SLC16A8: variants seen among roughly 807,000 people sequenced by gnomAD.
SLC16A8 encodes the protein solute carrier family 16 member 8.
In SLC16A8, 20 loss-of-function variants were observed where a neutral mutation model predicts 22.4. That is an observed-to-expected ratio of 0.89 (90% CI 0.63 to 1.30). The LOEUF (loss-of-function observed/expected upper bound fraction) is 1.30, where lower values mean the gene tolerates loss of function less well. SLC16A8 is among the 50% of genes most tolerant of loss of function. The probability of loss-of-function intolerance (pLI) is 0.00; values close to 1 mark genes in which losing one functional copy is unlikely to be tolerated. For missense variants in SLC16A8, 817 were observed against 740.3 expected (o/e 1.10, Z -1.20); for synonymous variants, 393 against 358.8 (o/e 1.10, Z -1.08).
Position 38,081,345 on chromosome 22 carries a change from C to T in SLC16A8, c.693G>A (p.Glu231=), listed in dbSNP as rs745797557. Residue 231 remains glutamate (E), a synonymous_variant, in exon 5 of 6, where the codon GAG becomes GAA. Transcript: ENST00000681075. The part of the protein sequence containing the change: ...EADGAGLQLR[E]ASPRVRPRRR... Reference sequence around the variant, plus strand: ...GGCGGGGCCGGACCCTGGGGGATGCCTCGCGCAGCTGCAGCCCCGCACCGT... The same window carrying T: ...GGCGGGGCCGGACCCTGGGGGATGCTTCGCGCAGCTGCAGCCCCGCACCGT... The T allele has an allele frequency of 8.2e-6, 12 of 1,462,834 alleles. No homozygotes were observed. The highest frequency in any genetic ancestry group is 1.1e-5 in the Non-Finnish European group (12 of 1,109,414). 90.6% of individuals were successfully genotyped at this position (1,462,834 alleles called of 1,614,324 possible).
At chr22:38,082,437 G>A (rs1489044656) in intron 3 of SLC16A8, among the ~76,000 whole-genome samples, 2 of 152,218 alleles carry the variant, frequency 1.3e-5, no homozygotes, top group Non-Finnish European at 2.9e-5. Flanking sequence ...TCTTAGAAGG[G>A]GCCCTCTGAG....
In SLC16A8 at chr22:38,081,683, C is replaced by A; in HGVS notation, c.359-4G>T. ...AAGTTGAGGGCCAGGCCCAGGCCTG[C>A]GGGCGAGGCGGTGCTGTGCCGGGGT... On this transcript the variant is annotated splice_region_variant and splice_polypyrimidine_tract_variant and intron_variant, in intron 4 of 5. Coordinates refer to ENST00000681075, the MANE Select transcript of SLC16A8 (RefSeq NM_013356.3). 2 of 1,505,666 alleles carry A rather than the reference C, an allele frequency of 1.3e-6. No homozygotes were observed. Among genetic ancestry groups the A allele is most frequent in the Non-Finnish European group, 8.8e-7 (1 of 1,132,522 alleles). 93.3% of individuals were successfully genotyped at this position (1,505,666 alleles called of 1,614,324 possible).
rs76719795 is a variant in SLC16A8 at position 38,080,204 on chromosome 22, C to A, written c.1198+636G>T. 4.4e-3 allele frequency among the ~76,000 whole-genome samples: 675 copies of A among 152,268 alleles called. 8 individuals are homozygous for A. Among genetic ancestry groups the A allele is most frequent in the African/African-American group, 0.016 (653 of 41,532 alleles). On this transcript the variant is annotated intron_variant, in intron 5 of 5. Coordinates refer to ENST00000681075, the MANE Select transcript of SLC16A8 (RefSeq NM_013356.3). ...GCTTGCATAAGGACGCTGTTCCCCCCCAACAAGCCCTGCCCATCCATGCTG... is the reference window on the plus strand; with the variant it reads ...GCTTGCATAAGGACGCTGTTCCCCCACAACAAGCCCTGCCCATCCATGCTG...
chr22:38,080,911 C>G lies in SLC16A8; in HGVS notation c.1127G>C (p.Arg376Pro). The G allele has an allele frequency of 6.4e-7, 1 of 1,568,646 alleles. No homozygotes were observed. Among genetic ancestry groups the G allele is most frequent in the Non-Finnish European group, 8.6e-7 (1 of 1,163,656 alleles). ...CACCAGGCCCAGCGCACTGGGGAAG[C>G]GGGGCGCGCCCACAGCCGCCATGAG... ...EVLMAAVGAPRFPSALGLVLL... is the reference protein window; with the variant it reads ...EVLMAAVGAPPFPSALGLVLL... Residue 376 changes from arginine to proline, a missense_variant, in exon 5 of 6, where the codon CGC (arginine) becomes CCC (proline). Coordinates refer to ENST00000681075, the MANE Select transcript of SLC16A8 (RefSeq NM_013356.3).
Position 38,081,357 on chromosome 22 carries a change from C to T in SLC16A8, c.681G>A (p.Leu227=), listed in dbSNP as rs1452254017. 1 of 1,433,092 alleles carries T rather than the reference C, an allele frequency of 7.0e-7. No individual in the cohort carries two copies. The highest frequency in any genetic ancestry group is 9.1e-7 in the Non-Finnish European group (1 of 1,095,858). 88.8% of individuals were successfully genotyped at this position (1,433,092 alleles called of 1,614,324 possible). A position where few individuals can be genotyped will look rare whatever the true frequency, so the allele number is the denominator to read the frequency against. Residue 227 remains leucine (L), a synonymous_variant, in exon 5 of 6, where the codon CTG becomes CTA. Coordinates refer to ENST00000681075, the MANE Select transcript of SLC16A8 (RefSeq NM_013356.3). ...PGEAEADGAG[L]QLREASPRVR... ...CCCTGGGGGATGCCTCGCGCAGCTG[C>T]AGCCCCGCACCGTCAGCCTCCGCCT...
intron 3 of SLC16A8, 69 bp downstream of exon 3, chr22:38,082,591 G>T: frequency 1.5e-6 from 2 of 1,336,334 alleles, no homozygotes; most frequent in Non-Finnish European, 2.0e-6. Flanking sequence ...ATGCTCAGGG[G>T]CTCGGGTGTC....
At chr22:38,080,755 G>C in intron 5 of SLC16A8, 85 bp downstream of exon 5, 1 of 1,423,804 alleles carries the variant, frequency 7.0e-7, no homozygotes, top group Non-Finnish European at 9.2e-7. Flanking sequence ...CTCATCCCTG[G>C]AAGTTCCATC....
rs1413609179 is a variant in SLC16A8, at chr22:38,078,504, G to A, written c.1399C>T (p.Pro467Ser). Residue 467 changes from proline to serine, a missense_variant, in exon 6 of 6, where the codon CCT (proline) becomes TCT (serine). Coordinates refer to ENST00000681075, the MANE Select transcript of SLC16A8 (RefSeq NM_013356.3). ...AEAEGDSEPL[P>S]VVAEEPGNLE... ...TTGCCGGGTTCCTCTGCAACAACAG[G>A]CAGGGGCTCAGAGTCCCCTTCAGCC... 3.1e-6 allele frequency: 5 copies of A among 1,614,052 alleles called. No individual in the cohort carries two copies. Among genetic ancestry groups the A allele is most frequent in the Non-Finnish European group, 4.2e-6 (5 of 1,180,058 alleles).
At position 38,082,660 on chromosome 22, in the gene SLC16A8, C is replaced by T; in HGVS notation, c.214G>A (p.Gly72Ser). ...CGGAGGGCCGGGCGGGGACACTGAC[C>T]CGTGCCGTAGAGCATGGCTAGCATG... ...SIMLAMLYGT[G>S]PVSSILVTRF... The change falls in exon 3 of 6, where the codon GGC becomes AGC. Residue 72 changes from glycine (G) to serine (S), a missense_variant and splice_region_variant. Physicochemically the swap from Gly to Ser is moderately conservative, Grantham distance 56. Coordinates refer to ENST00000681075, the MANE Select transcript of SLC16A8 (RefSeq NM_013356.3). The T allele has an allele frequency of 6.4e-7, 1 of 1,567,344 alleles. No individual in the cohort carries two copies. Among genetic ancestry groups the T allele is most frequent in the Non-Finnish European group, 8.6e-7 (1 of 1,157,814 alleles).
chr22:38,082,840 G>A lies in SLC16A8; in HGVS notation c.34C>T (p.Pro12Ser), dbSNP rs755508076. The stretch of plus-strand genomic sequence containing the variant: ...ACCCAGCCCCAGCCGCCGTCTGGGG[G>A]GCCCTCGCCCCGCCGGGGGCCGCCA... ...GAGGPRRGEG[P>S]PDGGWGWVVL... Residue 12 changes from proline (P) to serine (S), a missense_variant, in exon 3 of 6, where the codon CCC becomes TCC. Physicochemically the swap from Pro to Ser is moderately conservative, Grantham distance 74 (BLOSUM62 -1). Coordinates refer to ENST00000681075, the MANE Select transcript of SLC16A8 (RefSeq NM_013356.3). The A allele has an allele frequency of 6.3e-5, 99 of 1,567,676 alleles. No homozygotes were observed. The highest frequency in any genetic ancestry group is 7.9e-5 in the Non-Finnish European group (92 of 1,161,634).
chr22:38,081,827 A>T, intron 4 of SLC16A8, 62 bp downstream of exon 4: 1 of 1,531,310 alleles, frequency 6.5e-7, no homozygotes, highest in Non-Finnish European at 8.8e-7. Flanking sequence ...AACCGAGGAC[A>T]GATCTTGCAG....
Position 38,081,444 on chromosome 22 carries a change from G to T in SLC16A8, c.594C>A (p.Pro198=). 1 of 1,286,200 alleles carries T rather than the reference G, an allele frequency of 7.8e-7. No individual in the cohort carries two copies. The highest frequency in any genetic ancestry group is 2.6e-5 in the South Asian group (1 of 37,932). The allele number at this position is 1,286,200 out of a possible 1,614,324, so 79.7% of individuals were successfully genotyped here. The change falls in exon 5 of 6, where the codon CCC becomes CCA. Residue 198 remains proline (P), a synonymous_variant. Transcript: ENST00000681075. ...CCCTGCGCGGTCGCGGGCCCGGCCC[G>T]GGCGGCGGCCTCATGACAGCCCCGC... ...CACGAVMRPP[P]GPGPRPRRDS...
In SLC16A8 at chr22:38,080,987, C is replaced by T; in HGVS notation, c.1051G>A (p.Val351Ile). 6.3e-7 allele frequency: 1 copy of T among 1,597,514 alleles called. No homozygotes were observed. The highest frequency in any genetic ancestry group is 1.1e-5 in the South Asian group (1 of 89,928). Reference protein sequence around the residue: ...RSYGALVAFCVAFGLSYGMVG... With the variant: ...RSYGALVAFCIAFGLSYGMVG... ...ATGCCGTAGGAGAGGCCGAAGGCGA[C>T]GCAGAAGGCGACGAGGGCGCCGTAG... Residue 351 changes from valine (V) to isoleucine (I), a missense_variant, in exon 5 of 6, where the codon GTC (valine) becomes ATC (isoleucine). By Grantham distance (29) the Val-to-Ile change is conservative (BLOSUM62 3). Transcript: ENST00000681075.
chr22:38,080,690 G>A, intron 5 of SLC16A8, 150 bp downstream of exon 5: 1 of 1,134,270 alleles, frequency 8.8e-7, no homozygotes, highest in Non-Finnish European at 1.2e-6. Flanking sequence ...GTCCGGCTTG[G>A]AGGAGGGACT....
chr22:38,081,407 C>A lies in SLC16A8; in HGVS notation c.631G>T (p.Asp211Tyr). 1 of 1,355,156 alleles carries A rather than the reference C, an allele frequency of 7.4e-7. No homozygotes were observed. Among genetic ancestry groups the A allele is most frequent in the Non-Finnish European group, 9.4e-7 (1 of 1,059,536 alleles). The allele number at this position is 1,355,156 out of a possible 1,614,324, so 83.9% of individuals were successfully genotyped here. A position where few individuals can be genotyped will look rare whatever the true frequency, so the allele number is the denominator to read the frequency against. ...TCGCCCGGAGCGTCCCCGGCGCGGT[C>A]GCCGGCGCTGTCCCTGCGCGGTCGC... is the stretch of plus-strand genomic sequence containing the variant. ...GPRPRRDSAG[D>Y]RAGDAPGEAE... Residue 211 changes from aspartate to tyrosine, a missense_variant, in exon 5 of 6, where the codon GAC (aspartate) becomes TAC (tyrosine). Transcript: ENST00000681075.
At position 38,081,403 on chromosome 22, in the gene SLC16A8, C is replaced by G; in HGVS notation, c.635G>C (p.Arg212Pro). ...CGCCTCGCCCGGAGCGTCCCCGGCGCGGTCGCCGGCGCTGTCCCTGCGCGG... is the reference window on the plus strand; with the variant it reads ...CGCCTCGCCCGGAGCGTCCCCGGCGGGGTCGCCGGCGCTGTCCCTGCGCGG... ...PRPRRDSAGD[R>P]AGDAPGEAEA... The change falls in exon 5 of 6, where the codon CGC becomes CCC. Residue 212 changes from arginine to proline, a missense_variant. Arg to Pro is a moderately radical substitution (Grantham distance 103). Coordinates refer to ENST00000681075, the MANE Select transcript of SLC16A8 (RefSeq NM_013356.3). 1 of 1,358,730 alleles carries G rather than the reference C, an allele frequency of 7.4e-7. No homozygotes were observed. The highest frequency in any genetic ancestry group is 1.8e-5 in the South Asian group (1 of 54,958). 84.2% of individuals were successfully genotyped at this position (1,358,730 alleles called of 1,614,324 possible). A position where few individuals can be genotyped will look rare whatever the true frequency, so the allele number is the denominator to read the frequency against.
Position 38,080,985 on chromosome 22 carries a change from G to A in SLC16A8, c.1053C>T (p.Val351=), listed in dbSNP as rs1386575510. 1.9e-6 allele frequency: 3 copies of A among 1,597,560 alleles called. No homozygotes were observed. Among genetic ancestry groups the A allele is most frequent in the South Asian group, 1.1e-5 (1 of 89,930 alleles). ...RSYGALVAFC[V]AFGLSYGMVG... is the part of the protein sequence containing the mutation. The stretch of plus-strand genomic sequence containing the variant: ...CCATGCCGTAGGAGAGGCCGAAGGC[G>A]ACGCAGAAGGCGACGAGGGCGCCGT... The change falls in exon 5 of 6, where the codon GTC becomes GTT. Residue 351 remains valine, a synonymous_variant. Coordinates refer to ENST00000681075, the MANE Select transcript of SLC16A8 (RefSeq NM_013356.3).
At chr22:38,080,640 G>A (rs539353157) in intron 5 of SLC16A8, among the ~76,000 whole-genome samples, 200 bp downstream of exon 5, 3 of 152,322 alleles carry the variant, frequency 2.0e-5, no homozygotes, top group Middle Eastern at 3.4e-3. Context: ...TTTCTTCCCT[G>A]CACCTTCCTG....
rs1313017411 is a variant in SLC16A8, at chr22:38,078,317, C to T, written c.*71G>A. The T allele has an allele frequency of 4.6e-5, 67 of 1,443,348 alleles. No homozygotes were observed. The highest frequency in any genetic ancestry group is 5.3e-5 in the Non-Finnish European group (57 of 1,067,664). 89.4% of individuals were successfully genotyped at this position (1,443,348 alleles called of 1,614,324 possible). On this transcript the variant is annotated 3_prime_UTR_variant, in exon 6 of 6. Coordinates refer to ENST00000681075, the MANE Select transcript of SLC16A8 (RefSeq NM_013356.3). Reference sequence around the variant, plus strand: ...TGACCACCCCAGACCAGCCTCCCAGCGTACCAGGCTCTCTGAGACAAGAAG... The same window carrying T: ...TGACCACCCCAGACCAGCCTCCCAGTGTACCAGGCTCTCTGAGACAAGAAG...
Sources: allele counts gnomAD v4.1 joint callset (sites outside exome capture counted in the v4.1 genomes callset), GRCh38; gene constraint gnomAD v4.1.1; transcripts MANE v1.5; gene names NCBI Gene and HGNC (gene_info 2026-07-23, HGNC 2026-07-21).